The following CLN8 variants were observed in gnomAD, a reference collection of about 807,000 sequenced individuals.
CLN8 encodes protein CLN8.
CLN8 carries 14 observed loss-of-function variants against 15.7 expected under a neutral mutation model. The observed-to-expected ratio is 0.89, with a 90% CI of 0.59 to 1.39. The LOEUF is 1.39. Ranked by LOEUF, CLN8 falls within the 40% of genes most tolerant of loss-of-function variation. CLN8 has a pLI of 0.00. For synonymous variants in CLN8, 188 were observed against 151.0 expected (o/e 1.25, Z -1.80); for missense variants, 415 against 364.0 (o/e 1.14, Z -1.14).
upstream of CLN8, among the ~76,000 whole-genome samples, chr8:1,753,419 A>C (rs879729857): frequency 3.3e-5 from 5 of 151,980 alleles, no homozygotes; most frequent in Admixed American, 2.0e-4. Flanking sequence ...AAAAATACAA[A>C]AATTAGCCAG....
upstream of CLN8, among the ~76,000 whole-genome samples, chr8:1,760,902 G>A (rs375691911): frequency 6.6e-6 from 1 of 152,054 alleles, no homozygotes; most frequent in East Asian, 1.9e-4. Flanking sequence ...CAAGCTACGT[G>A]TAAGTGCAGG....
intron 2 of CLN8, among the ~76,000 whole-genome samples, chr8:1,772,233 G>T (rs929228060): frequency 1.3e-5 from 2 of 152,058 alleles, no homozygotes; most frequent in African/African-American, 4.8e-5. Context: ...ACCGTGCCTG[G>T]CCTCTTTTAA....
chr8:1,756,990 A>C (rs955002478), intron 1 of CLN8, among the ~76,000 whole-genome samples: 1 of 152,096 alleles, frequency 6.6e-6, no homozygotes, highest in African/African-American at 2.4e-5. Flanking sequence ...GCCTGAATTA[A>C]GCATTTCTTA....
chr8:1,772,960 AAATCACTC>A (rs1433333134), intron 2 of CLN8: 1 of 398,666 alleles, frequency 2.5e-6, no homozygotes, highest in Non-Finnish European at 4.4e-6. Context: ...TAAGCATAAC[AAATCACTC>A]CTGCCTTCGG....
At chr8:1,778,784 T>C (rs1801610097) in intron 2 of CLN8, among the ~76,000 whole-genome samples, 1 of 152,200 alleles carries the variant, frequency 6.6e-6, no homozygotes. Flanking sequence ...CCGCTGGCCT[T>C]TCTCTTCTAA....
chr8:1,781,551 A>G lies in CLN8; in HGVS notation c.*984A>G, dbSNP rs1173517754. 1 of 151,288 alleles carries G rather than the reference A, an allele frequency of 6.6e-6. No individual in the cohort carries two copies. The highest frequency in any genetic ancestry group is 1.5e-5 in the Non-Finnish European group (1 of 67,862). The allele number at this position is 151,288 out of a possible 1,614,324, so 9.4% of individuals were successfully genotyped here. A position where few individuals can be genotyped will look rare whatever the true frequency, so the allele number is the denominator to read the frequency against. ...ATCTTGCAAGTTTTTTTTTTTTTTA[A>G]ATCATGGTACCTGTTTTAAAATGAG... On this transcript the variant is annotated 3_prime_UTR_variant, in exon 3 of 3. Coordinates refer to ENST00000331222, the MANE Select transcript of CLN8 (RefSeq NM_018941.4).
upstream of CLN8, among the ~76,000 whole-genome samples, chr8:1,753,404 C>G (rs1395599556): frequency 6.6e-6 from 1 of 151,880 alleles, no homozygotes; most frequent in African/African-American, 2.4e-5. Context: ...AAACCCATCT[C>G]TACTAAAAAT....
chr8:1,769,631 G>T (rs1458926769), intron 1 of CLN8, among the ~76,000 whole-genome samples: 1 of 152,202 alleles, frequency 6.6e-6, no homozygotes, highest in Admixed American at 6.5e-5. Flanking sequence ...ATCGTTGTGT[G>T]CCTGGGTTTC....
intron 1 of CLN8, chr8:1,758,702 A>C (rs1800726117): frequency 6.6e-6 from 1 of 152,272 alleles, no homozygotes; most frequent in Non-Finnish European, 1.5e-5. Context: ...GAAGGTGTCC[A>C]GGTCACAGAT....
At chr8:1,770,347 G>C (rs935522509) in intron 1 of CLN8, among the ~76,000 whole-genome samples, 1 of 152,086 alleles carries the variant, frequency 6.6e-6, no homozygotes, top group Non-Finnish European at 1.5e-5. Flanking sequence ...TGAGATGCAG[G>C]GGATGGTGAG....
chr8:1,785,137 C>A lies in CLN8; in HGVS notation c.*4570C>A. On this transcript the variant is annotated 3_prime_UTR_variant, in exon 3 of 3. Transcript: ENST00000331222. ...CACGCAGACAGAAGCGGAGGGGCTC[C>A]GTCGCTCTGCCCTCACGCCGCTGAA... The A allele has an allele frequency of 6.3e-6, 1 of 159,438 alleles. No individual in the cohort carries two copies. The highest frequency in any genetic ancestry group is 1.4e-5 in the Non-Finnish European group (1 of 71,606). The allele number at this position is 159,438 out of a possible 1,614,324, so 9.9% of individuals were successfully genotyped here.
upstream of CLN8, chr8:1,760,165 C>G (rs1180114957): frequency 6.6e-6 from 1 of 152,168 alleles, no homozygotes; most frequent in Non-Finnish European, 1.5e-5. Context: ...ACATTGCTAA[C>G]CTCAGGCTCA....
upstream of CLN8, among the ~76,000 whole-genome samples, chr8:1,761,118 C>G (rs1042465152): frequency 2.9e-5 from 4 of 140,342 alleles, no homozygotes; most frequent in African/African-American, 1.1e-4. Flanking sequence ...CTCCCAGGTT[C>G]AGGCAATTCT....
intron 2 of CLN8, among the ~76,000 whole-genome samples, chr8:1,772,456 C>G (rs968604793): frequency 3.3e-5 from 5 of 151,804 alleles, no homozygotes; most frequent in African/African-American, 9.7e-5. Context: ...ATGTTAAACT[C>G]TTTAAACTTT....
intron 1 of CLN8, chr8:1,764,830 A>C (rs1200552735): frequency 2.6e-5 from 4 of 152,192 alleles, no homozygotes; most frequent in African/African-American, 9.7e-5. Context: ...CTCTTCTCTG[A>C]AAGACTGGCG....
At chr8:1,760,811 TAC>T (rs1201313165), upstream of CLN8, among the ~76,000 whole-genome samples, 1 of 152,254 alleles carries the variant, frequency 6.6e-6, no homozygotes, top group Admixed American at 6.5e-5. Context: ...GCTGCTCTGA[TAC>T]AGAGTGGGGA....
intron 2 of CLN8, chr8:1,772,915 T>C (rs1801370980): frequency 2.5e-6 from 1 of 398,618 alleles, no homozygotes; most frequent in Non-Finnish European, 4.4e-6. Context: ...GCACATTTCT[T>C]GTCTACAGGA....
intron 1 of CLN8, among the ~76,000 whole-genome samples, chr8:1,767,565 CTTTTTTTT>C (rs1156569423): frequency 9.8e-5 from 8 of 81,326 alleles, no homozygotes; most frequent in Admixed American, 1.9e-4. Flanking sequence ...ATGTTTCTTT[CTTTTTTTT>C]TTTTTTTTTT....
chr8:1,782,300 T>C lies in CLN8; in HGVS notation c.*1733T>C, dbSNP rs1215720120. On this transcript the variant is annotated 3_prime_UTR_variant, in exon 3 of 3. Coordinates refer to ENST00000331222, the MANE Select transcript of CLN8 (RefSeq NM_018941.4). The stretch of plus-strand genomic sequence containing the variant: ...GCTGGGATTACAGGTACCTCTACCA[T>C]GCCTGGCTGATTTTTTGTATTTTTA... 1 of 152,054 alleles carries C rather than the reference T, an allele frequency of 6.6e-6. No individual in the cohort carries two copies. Among genetic ancestry groups the C allele is most frequent in the African/African-American group, 2.4e-5 (1 of 41,384 alleles). The allele number at this position is 152,054 out of a possible 1,614,324, so 9.4% of individuals were successfully genotyped here. A position where few individuals can be genotyped will look rare whatever the true frequency, so the allele number is the denominator to read the frequency against.
Sources: gnomAD v4.1 joint callset for allele counts (sites outside exome capture counted in the v4.1 genomes callset) on GRCh38, gnomAD v4.1.1 for gene constraint, MANE v1.5 for transcripts, NCBI Gene and HGNC (gene_info 2026-07-23, HGNC 2026-07-21) for gene names.